GSN: variants seen among roughly 807,000 people sequenced by gnomAD.
GSN encodes the protein actin-depolymerizing factor.
Under a neutral mutation model 85.7 loss-of-function variants are expected in GSN, and 56 were observed. The observed-to-expected ratio is 0.65, with a 90% CI of 0.53 to 0.82. The LOEUF (loss-of-function observed/expected upper bound fraction) is 0.82. Ranked by LOEUF, GSN falls within the 40% of genes least tolerant of loss-of-function variation. The pLI is 0.00. For missense variants in GSN, 857 were observed against 979.8 expected (o/e 0.87, Z 1.67); for synonymous variants, 373 against 399.1 (o/e 0.93, Z 0.78).
intron 11 of GSN, among the ~76,000 whole-genome samples, chr9:121,324,021 T>C (rs1175407515): frequency 2.0e-5 from 3 of 152,202 alleles, no homozygotes; most frequent in Non-Finnish European, 4.4e-5. Flanking sequence ...TTAGACAATA[T>C]GCAAAGAGGT....
chr9:121,304,722 G>A (rs563863093), intron 4 of GSN, among the ~76,000 whole-genome samples: 43 of 152,336 alleles, frequency 2.8e-4, no homozygotes, highest in African/African-American at 9.4e-4. Context: ...ACTGTCCTGG[G>A]AGGTAAGTAA....
chr9:121,278,405 G>T (rs2056925347), intron 1 of GSN, among the ~76,000 whole-genome samples: 1 of 152,186 alleles, frequency 6.6e-6, no homozygotes, highest in South Asian at 2.1e-4. Flanking sequence ...CCCTCCCAAT[G>T]AACTGGGAGC....
At position 121,283,393 on chromosome 9, in the gene GSN, G is replaced by A. The variant is rs192762670; in HGVS notation, c.-10+1831G>A. 8.3e-3 allele frequency: 1,281 copies of A among 154,342 alleles called. 14 individuals carry two copies. The highest frequency in any genetic ancestry group is 0.013 in the Non-Finnish European group (903 of 68,062). 9.6% of individuals were successfully genotyped at this position (154,342 alleles called of 1,614,324 possible). On this transcript the variant is annotated intron_variant, in intron 2 of 17. Coordinates refer to ENST00000432226, the MANE Select transcript of GSN (RefSeq NM_198252.3). Reference sequence around the variant, plus strand: ...GCTCACTGCAACCTCCTCCTCCCAGGTACAAGTGATTCTCCTGCCTCAGCC... The same window carrying A: ...GCTCACTGCAACCTCCTCCTCCCAGATACAAGTGATTCTCCTGCCTCAGCC...
intron 2 of GSN, among the ~76,000 whole-genome samples, chr9:121,295,942 G>T (rs2059175340): frequency 6.6e-6 from 1 of 152,252 alleles, no homozygotes; most frequent in Admixed American, 6.5e-5. Context: ...GGCTCAGAGG[G>T]CAGGTGCCAC....
chr9:121,272,724 C>A (rs1438634551), intron 1 of GSN, among the ~76,000 whole-genome samples: 1 of 152,214 alleles, frequency 6.6e-6, no homozygotes, highest in Non-Finnish European at 1.5e-5. Flanking sequence ...CTTTTGCTTT[C>A]ACTATCTGCT....
At chr9:121,272,857 C>T (rs148168242) in intron 1 of GSN, among the ~76,000 whole-genome samples, 4 of 152,290 alleles carry the variant, frequency 2.6e-5, no homozygotes, top group Non-Finnish European at 4.4e-5. Flanking sequence ...CACAATAGTC[C>T]TGGGGTTGTC....
At chr9:121,306,505 A>T in intron 4 of GSN, among the ~76,000 whole-genome samples, 1 of 115,618 alleles carries the variant, frequency 8.6e-6, no homozygotes, top group East Asian at 3.4e-4. Context: ...CCCCTTGGAG[A>T]TATATAGTGG....
intron 2 of GSN, among the ~76,000 whole-genome samples, chr9:121,291,412 T>C (rs1393178383): frequency 7.5e-6 from 1 of 132,658 alleles, no homozygotes; most frequent in Non-Finnish European, 1.5e-5. Context: ...GTCTCCCCAC[T>C]GGACTTTTTT....
chr9:121,329,996 C>T lies in GSN; in HGVS notation c.1965+681C>T, dbSNP rs2063707187. 6.6e-6 allele frequency among the ~76,000 whole-genome samples: 1 copy of T among 152,104 alleles called. No individual in the cohort carries two copies. The highest frequency in any genetic ancestry group is 1.5e-5 in the Non-Finnish European group (1 of 68,040). Reference sequence around the variant, plus strand: ...TCCTCAGAGTTACGGAGCAGCTGGCCACGAAGGCATAAGACTCTACACTAC... The same window carrying T: ...TCCTCAGAGTTACGGAGCAGCTGGCTACGAAGGCATAAGACTCTACACTAC... On this transcript the variant is annotated intron_variant, in intron 16 of 17. Transcript: ENST00000432226. The surrounding 1 kb of genome is among the most constrained non-coding windows in gnomAD (Gnocchi z 4.6).
chr9:121,206,138 C>G (rs1268837709), upstream of GSN, among the ~76,000 whole-genome samples: 3 of 151,656 alleles, frequency 2.0e-5, no homozygotes, highest in East Asian at 5.8e-4. Context: ...ATTTTATTAC[C>G]ACATGTGTGT....
At chr9:121,276,074 G>C (rs1261062314) in intron 1 of GSN, among the ~76,000 whole-genome samples, 1 of 152,206 alleles carries the variant, frequency 6.6e-6, no homozygotes, top group African/African-American at 2.4e-5. Context: ...CATGGAATTC[G>C]TGTGCGAATT....
At chr9:121,301,877 G>T (rs560878535) in intron 2 of GSN, 86 bp from the exon 3 acceptor site, 3 of 1,604,054 alleles carry the variant, frequency 1.9e-6, no homozygotes, top group Non-Finnish European at 2.5e-6. Context: ...AGATGCTCTT[G>T]GTGCTAGAAA....
At chr9:121,228,703 G>A (rs1157222376) in intron 4 of GSN, among the ~76,000 whole-genome samples, 1 of 151,904 alleles carries the variant, frequency 6.6e-6, no homozygotes. Flanking sequence ...GGGATTACAG[G>A]CAAGAGCCAC....
chr9:121,207,613 GATTTTTTGTATTGTAGA>G (rs1355519480), upstream of GSN, among the ~76,000 whole-genome samples: 1 of 152,168 alleles, frequency 6.6e-6, no homozygotes, highest in African/African-American at 2.4e-5. Flanking sequence ...ACAGGGGCAG[GATTTTTTGTATTGTAGA>G]ATATAGTACT....
chr9:121,290,794 C>A (rs2058610989), intron 2 of GSN, among the ~76,000 whole-genome samples: 1 of 152,122 alleles, frequency 6.6e-6, no homozygotes, highest in Admixed American at 6.5e-5. Context: ...CCCTATAGTC[C>A]TCATGTTGCA....
chr9:121,311,589 C>T (rs2061152274), intron 5 of GSN: 1 of 152,938 alleles, frequency 6.5e-6, no homozygotes, highest in Non-Finnish European at 1.5e-5. Context: ...TCACCAGCCC[C>T]TAGAAGGCCC....
At chr9:121,217,933 G>A (rs1167241687) in intron 4 of GSN, among the ~76,000 whole-genome samples, 1 of 151,542 alleles carries the variant, frequency 6.6e-6, no homozygotes, top group Non-Finnish European at 1.5e-5. Context: ...GTATATAAGG[G>A]TACATACATA....
chr9:121,321,450 C>G, intron 11 of GSN, 49 bp downstream of exon 11: 1 of 1,594,808 alleles, frequency 6.3e-7, no homozygotes. Context: ...CTGGCTGGGC[C>G]CTGAGCAGGG....
intron 11 of GSN, 29 bp downstream of exon 11, chr9:121,321,430 C>A: frequency 6.2e-7 from 1 of 1,608,160 alleles, no homozygotes; most frequent in South Asian, 1.1e-5. Context: ...TGGTGTGTGT[C>A]GTGGGGGTAC....
Sources: gnomAD v4.1 joint callset for allele counts (sites outside exome capture counted in the v4.1 genomes callset) on GRCh38, gnomAD v4.1.1 for gene constraint, Gnocchi (gnomAD v3.1) non-coding constraint, MANE v1.5 for transcripts, NCBI Gene and HGNC (gene_info 2026-07-23, HGNC 2026-07-21) for gene names.